Variants in SORT1 observed in about 807,000 individuals in gnomAD.
SORT1 encodes the protein sortilin.
Under a neutral mutation model 101.7 loss-of-function variants are expected in SORT1, and 39 were observed. The ratio of observed to expected loss-of-function variants is 0.38; its 90% CI spans 0.30 to 0.50. The LOEUF is 0.50. SORT1 is among the 20% of genes least tolerant of loss of function. SORT1 has a pLI of 0.90. For synonymous variants in SORT1, 396 were observed against 393.7 expected, an observed-to-expected ratio of 1.01 and a Z score of -0.07; for missense variants, 878 against 1,040.4, an observed-to-expected ratio of 0.84 and a Z score of 2.15.
chr1:109,355,553 T>C lies in SORT1; in HGVS notation c.441-84A>G, dbSNP rs910520292. ...TCCTACTCAGCTTTCATTCTCCCTT[T>C]CCACCAATCATGCTGAGAGACTCGG... On this transcript the variant is annotated intron_variant, in intron 3 of 19. Transcript: ENST00000256637. 4 of 686,576 alleles carry C rather than the reference T, an allele frequency of 5.8e-6. 1 individual carries two copies. In the East Asian group the frequency reaches 1.1e-4, roughly 19 times the overall value. The allele number at this position is 686,576 out of a possible 1,614,324, so 42.5% of individuals were successfully genotyped here. A position where few individuals can be genotyped will look rare whatever the true frequency, so the allele number is the denominator to read the frequency against.
chr1:109,351,321 TAAG>T (rs1235950241), intron 5 of SORT1, among the ~76,000 whole-genome samples: 3 of 152,092 alleles, frequency 2.0e-5, no homozygotes, highest in Non-Finnish European at 1.5e-5. Context: ...GGCGCATAGA[TAAG>T]AAGAAAGTTC....
In SORT1 at chr1:109,365,392, T is replaced by C. The variant is rs375376517; in HGVS notation, c.440+2016A>G. Among the ~76,000 whole-genome samples the C allele has an allele frequency of 1.2e-4, 18 of 152,254 alleles. No homozygotes were observed. The East Asian group carries it at 3.5e-3, about 29-fold the overall frequency. On this transcript the variant is annotated intron_variant, in intron 3 of 19. Coordinates refer to ENST00000256637, the MANE Select transcript of SORT1 (RefSeq NM_002959.7). ...TGTGTGACACCATGCCCAGCTAATTTTGTGAGGAGGGAATTTATAATAGCA... is the reference window on the plus strand; with the variant it reads ...TGTGTGACACCATGCCCAGCTAATTCTGTGAGGAGGGAATTTATAATAGCA...
chr1:109,349,636 G>C (rs1649831241), intron 6 of SORT1, among the ~76,000 whole-genome samples: 1 of 152,112 alleles, frequency 6.6e-6, no homozygotes, highest in Non-Finnish European at 1.5e-5. Context: ...GCTAGGCATG[G>C]TGGCACATGC....
At chr1:109,322,132 C>CTCA (rs1048150579) in intron 15 of SORT1, among the ~76,000 whole-genome samples, 1 of 150,930 alleles carries the variant, frequency 6.6e-6, no homozygotes, top group African/African-American at 2.4e-5. Context: ...GAGACAGGGT[C>CTCA]TCATCATATT....
chr1:109,326,428 A>AATATATATATATAT (rs1166570516), intron 13 of SORT1, among the ~76,000 whole-genome samples: 22 of 70,900 alleles, frequency 3.1e-4, no homozygotes, highest in African/African-American at 8.8e-4. Context: ...AGACAGAAAG[A>AATATATATATATAT]ATATATATAT....
rs1653297975 is a variant in SORT1 at position 109,397,893 on chromosome 1, CGCCGCCGAAT to C, written c.-11_-2del. On this transcript the variant is annotated 5_prime_UTR_variant, in exon 1 of 20. Transcript: ENST00000256637. Reference sequence around the variant, plus strand: ...CCGCAGCTCCCCAGGGCCGCTCCATCGCCGCCGAATGCCGCCGACGCCGACACCTGCCGCC... The same window carrying C: ...CCGCAGCTCCCCAGGGCCGCTCCATCGCCGCCGACGCCGACACCTGCCGCC... The C allele has an allele frequency of 8.6e-7, 1 of 1,162,582 alleles. No homozygotes were observed. Among genetic ancestry groups the C allele is most frequent in the African/African-American group, 1.6e-5 (1 of 61,116 alleles). The allele number at this position is 1,162,582 out of a possible 1,614,324, so 72.0% of individuals were successfully genotyped here. A position where few individuals can be genotyped will look rare whatever the true frequency, so the allele number is the denominator to read the frequency against.
At chr1:109,345,904 T>G (rs1407618035) in intron 7 of SORT1, 23 bp from the exon 8 acceptor site, 1 of 1,598,646 alleles carries the variant, frequency 6.3e-7, no homozygotes, top group African/African-American at 1.4e-5. Context: ...AAAATATTAA[T>G]TAAAATTTCA....
At chr1:109,314,228 G>A (rs758829476) in intron 19 of SORT1, 33 bp downstream of exon 19, 33 of 1,427,710 alleles carry the variant, frequency 2.3e-5, no homozygotes, top group Non-Finnish European at 2.7e-5. Context: ...TTTGGGGGGG[G>A]GGGTACTACC....
intron 3 of SORT1, among the ~76,000 whole-genome samples, chr1:109,359,731 C>T (rs1650582001): frequency 6.6e-6 from 1 of 152,158 alleles, no homozygotes; most frequent in Non-Finnish European, 1.5e-5. Context: ...AACTCCTGAC[C>T]TCAGGTAATC....
chr1:109,365,336 C>T (rs1017072731), intron 3 of SORT1, among the ~76,000 whole-genome samples: 5 of 152,180 alleles, frequency 3.3e-5, no homozygotes, highest in African/African-American at 9.7e-5. Flanking sequence ...GATGCTCCTA[C>T]CTCAGTCTCC....
intron 10 of SORT1, among the ~76,000 whole-genome samples, chr1:109,339,851 G>A (rs1425117322): frequency 6.6e-6 from 1 of 152,056 alleles, no homozygotes; most frequent in East Asian, 1.9e-4. Context: ...GTCCATCAAT[G>A]GAGGAATAAA....
Position 109,347,467 on chromosome 1 carries a change from A to G in SORT1, c.832+16T>C. On this transcript the variant is annotated intron_variant, in intron 7 of 19. Transcript: ENST00000256637. ...GGACAACAGGACATTATTTTCTGGG[A>G]CTAAAATATACTTACTGCAGGAGCC... is the stretch of plus-strand genomic sequence containing the variant. 1 of 1,576,418 alleles carries G rather than the reference A, an allele frequency of 6.3e-7. No individual in the cohort carries two copies. Among genetic ancestry groups the G allele is most frequent in the Middle Eastern group, 1.7e-4 (1 of 5,986 alleles).
At chr1:109,393,251 A>T (rs1653017572) in intron 1 of SORT1, 1 of 985,304 alleles carries the variant, frequency 1.0e-6, no homozygotes, top group Non-Finnish European at 1.2e-6. Context: ...GATGCTTTAA[A>T]GTTGGAGTAG....
In SORT1 at chr1:109,347,443, G is replaced by C. The variant is rs944890676; in HGVS notation, c.832+40C>G. 3.5e-6 allele frequency: 5 copies of C among 1,421,180 alleles called. No individual in the cohort carries two copies. In the Admixed American group the frequency reaches 8.4e-5, roughly 24 times the overall value. The allele number at this position is 1,421,180 out of a possible 1,614,324, so 88.0% of individuals were successfully genotyped here. On this transcript the variant is annotated intron_variant, in intron 7 of 19. Transcript: ENST00000256637. ...AACCCAGAAAATTCTACCATGAATG[G>C]ACAACAGGACATTATTTTCTGGGAC...
intron 1 of SORT1, chr1:109,397,073 A>C (rs774974058): frequency 4.6e-5 from 7 of 152,214 alleles, no homozygotes; most frequent in Non-Finnish European, 8.8e-5. Context: ...AGTAAAAGAG[A>C]TCACATAAAT....
Position 109,367,295 on chromosome 1 carries a change from T to C in SORT1, c.440+113A>G, listed in dbSNP as rs560260230. The C allele has an allele frequency of 5.7e-5, 37 of 646,954 alleles. No homozygotes were observed. The South Asian group carries it at 7.3e-4, about 13-fold the overall frequency. 40.1% of individuals were successfully genotyped at this position (646,954 alleles called of 1,614,324 possible). On this transcript the variant is annotated intron_variant, in intron 3 of 19. Coordinates refer to ENST00000256637, the MANE Select transcript of SORT1 (RefSeq NM_002959.7). ...GTGACAGTCTGGTGAAAACTTAGGATGGCTAGAAGATCTTTTACATCAACT... is the reference window on the plus strand; with the variant it reads ...GTGACAGTCTGGTGAAAACTTAGGACGGCTAGAAGATCTTTTACATCAACT...
At chr1:109,390,600 GC>G (rs1271813751) in intron 1 of SORT1, among the ~76,000 whole-genome samples, 1 of 151,776 alleles carries the variant, frequency 6.6e-6, no homozygotes, top group Non-Finnish European at 1.5e-5. Context: ...GTGACAAATA[GC>G]AAATACTAGA....
chr1:109,356,514 C>T (rs1034487070), intron 3 of SORT1, among the ~76,000 whole-genome samples: 4 of 152,126 alleles, frequency 2.6e-5, no homozygotes, highest in African/African-American at 9.7e-5. Context: ...CCTTATTATT[C>T]AGGTTAGTTT....
intron 13 of SORT1, among the ~76,000 whole-genome samples, chr1:109,326,391 G>T (rs1648024087): frequency 7.2e-6 from 1 of 139,346 alleles, no homozygotes; most frequent in Non-Finnish European, 1.5e-5. Context: ...AATCTAGAGT[G>T]CTTGAACGCT....
Sources: gnomAD v4.1 joint callset for allele counts (sites outside exome capture counted in the v4.1 genomes callset) on GRCh38, gnomAD v4.1.1 for gene constraint, MANE v1.5 for transcripts, NCBI Gene and HGNC (gene_info 2026-07-23, HGNC 2026-07-21) for gene names.